Variants in PTPRO observed in about 807,000 individuals in gnomAD.
The protein encoded by PTPRO is protein tyrosine phosphatase receptor type O.
In PTPRO, 62 loss-of-function variants were observed where a neutral mutation model predicts 145.2. That is an observed-to-expected ratio of 0.43 (90% CI 0.35 to 0.53). PTPRO has a LOEUF of 0.53. PTPRO is among the 20% of genes least tolerant of loss of function. The pLI, the probability that PTPRO is intolerant of heterozygous loss-of-function variation, is 0.01. For missense variants in PTPRO, 1,345 were observed against 1,482.7 expected, an observed-to-expected ratio of 0.91 and a Z score of 1.53; for synonymous variants, 565 against 514.7, an observed-to-expected ratio of 1.10 and a Z score of -1.32.
rs138769688 is a variant in PTPRO at position 15,362,100 on chromosome 12, A to G, written c.75+39299A>G. The stretch of plus-strand genomic sequence containing the variant: ...TCATATCAAACTCCTCCGGTATTGC[A>G]TTGCTGGTTAGCACAAACTAACCCA... On this transcript the variant is annotated intron_variant, in intron 1 of 26. Transcript: ENST00000281171. Among the ~76,000 whole-genome samples, 1,147 of 152,290 alleles carry G rather than the reference A, an allele frequency of 7.5e-3. 11 individuals are homozygous for G. Among genetic ancestry groups the G allele is most frequent in the African/African-American group, 0.026 (1,079 of 41,558 alleles).
chr12:15,586,451 C>T (rs937419794), intron 23 of PTPRO, among the ~76,000 whole-genome samples: 1 of 152,152 alleles, frequency 6.6e-6, no homozygotes, highest in African/African-American at 2.4e-5. Flanking sequence ...CATTTTCTAT[C>T]GAGGCAGCTC....
At chr12:15,452,387 G>A (rs116114328) in intron 1 of PTPRO, among the ~76,000 whole-genome samples, 3,469 of 152,190 alleles carry the variant, frequency 0.023, 150 homozygotes, top group African/African-American at 0.078. Context: ...AGGACTAGAC[G>A]GATTCACAGG....
At chr12:15,551,362 T>G (rs1379130282) in intron 14 of PTPRO, among the ~76,000 whole-genome samples, 189 bp from the exon 15 acceptor site, 1 of 152,184 alleles carries the variant, frequency 6.6e-6, no homozygotes, top group Non-Finnish European at 1.5e-5. Context: ...CAATACCACT[T>G]ATCAGTCTAG....
intron 1 of PTPRO, among the ~76,000 whole-genome samples, chr12:15,399,882 C>G (rs940441078): frequency 6.6e-6 from 1 of 151,224 alleles, no homozygotes; most frequent in African/African-American, 2.4e-5. Context: ...GAAACCTCAT[C>G]TCTACTAAAA....
At position 15,322,527 on chromosome 12, in the gene PTPRO, C is replaced by T; in HGVS notation, c.-200C>T. 2 of 640,572 alleles carry T rather than the reference C, an allele frequency of 3.1e-6. No individual in the cohort carries two copies. Among genetic ancestry groups the T allele is most frequent in the Admixed American group, 2.3e-5 (1 of 42,636 alleles). The allele number at this position is 640,572 out of a possible 1,614,324, so 39.7% of individuals were successfully genotyped here. On this transcript the variant is annotated 5_prime_UTR_variant, in exon 1 of 27. Transcript: ENST00000281171. This position sits in a 1 kb window ranked among gnomAD's most constrained non-coding sequence, Gnocchi z 6.3. ...ATCCTTAGTCATTAAAGAACAGCAG[C>T]GCCTGGCACGTTCTTGGAGGACCCC... is the stretch of plus-strand genomic sequence containing the variant.
At chr12:15,440,031 G>T (rs1940716794) in intron 1 of PTPRO, 1 of 661,142 alleles carries the variant, frequency 1.5e-6, no homozygotes, top group Admixed American at 2.2e-5. Context: ...AGAGGCTACA[G>T]GGGTAACAAG....
Position 15,578,841 on chromosome 12 carries a change from T to C in PTPRO, c.2830-12T>C. 4 of 1,552,026 alleles carry C rather than the reference T, an allele frequency of 2.6e-6. No homozygotes were observed. The highest frequency in any genetic ancestry group is 3.6e-6 in the Non-Finnish European group (4 of 1,123,566). On this transcript the variant is annotated splice_polypyrimidine_tract_variant and intron_variant, in intron 19 of 26. Coordinates refer to ENST00000281171, the MANE Select transcript of PTPRO (RefSeq NM_030667.3). ...GTATGGAACTCTCAAATCCATTCTC[T>C]GTCCTTTACAGGAGTTGAAATTGAT...
chr12:15,528,937 G>A (rs781371241), intron 12 of PTPRO, among the ~76,000 whole-genome samples: 2 of 152,092 alleles, frequency 1.3e-5, no homozygotes, highest in Non-Finnish European at 2.9e-5. Flanking sequence ...ATGAAGGAAA[G>A]ATAAAGTATT....
intron 1 of PTPRO, among the ~76,000 whole-genome samples, chr12:15,473,800 G>A (rs1407099260): frequency 7.0e-6 from 1 of 142,662 alleles, no homozygotes; most frequent in East Asian, 2.1e-4. Flanking sequence ...AGCATCAAGT[G>A]ACTCAAAACT....
At chr12:15,373,652 T>G (rs114249491) in intron 1 of PTPRO, among the ~76,000 whole-genome samples, 3,305 of 152,278 alleles carry the variant, frequency 0.022, 126 homozygotes, top group African/African-American at 0.075. Context: ...ATTCAAAATA[T>G]AATTATTAAA....
At chr12:15,377,342 C>A (rs1938718605) in intron 1 of PTPRO, among the ~76,000 whole-genome samples, 1 of 151,886 alleles carries the variant, frequency 6.6e-6, no homozygotes, top group South Asian at 2.1e-4. Flanking sequence ...TAAATCCCAC[C>A]TTAAACTCTC....
intron 1 of PTPRO, among the ~76,000 whole-genome samples, chr12:15,367,715 C>T (rs1218026573): frequency 6.6e-6 from 1 of 152,180 alleles, no homozygotes; most frequent in Non-Finnish European, 1.5e-5. Context: ...CAACTCCACC[C>T]TCCCAGTTGA....
intron 1 of PTPRO, among the ~76,000 whole-genome samples, chr12:15,399,879 C>G (rs879405721): frequency 6.6e-6 from 1 of 151,094 alleles, no homozygotes; most frequent in Non-Finnish European, 1.5e-5. Flanking sequence ...GGTGAAACCT[C>G]ATCTCTACTA....
At chr12:15,440,400 C>G (rs1045025964) in intron 1 of PTPRO, 1 of 303,296 alleles carries the variant, frequency 3.3e-6, no homozygotes, top group African/African-American at 2.2e-5. Context: ...GTGGCTACAA[C>G]ATAGGATTTT....
chr12:15,568,502 A>G (rs1943960275), intron 18 of PTPRO, among the ~76,000 whole-genome samples: 1 of 152,112 alleles, frequency 6.6e-6, no homozygotes, highest in Admixed American at 6.6e-5. Context: ...GTAACACACC[A>G]CAAGACCAAG....
chr12:15,522,315 G>GGTAT (rs1942740555), intron 10 of PTPRO, among the ~76,000 whole-genome samples: 1 of 150,664 alleles, frequency 6.6e-6, no homozygotes, highest in Non-Finnish European at 1.5e-5. Flanking sequence ...TTGTTACATA[G>GGTAT]GTATACATGT....
At position 15,597,048 on chromosome 12, in the gene PTPRO, G is replaced by T. The variant is rs1944673366; in HGVS notation, c.*975G>T. The T allele has an allele frequency of 6.6e-6, 1 of 152,606 alleles. No individual in the cohort carries two copies. Among genetic ancestry groups the T allele is most frequent in the South Asian group, 2.1e-4 (1 of 4,828 alleles). 9.5% of individuals were successfully genotyped at this position (152,606 alleles called of 1,614,324 possible). A position where few individuals can be genotyped will look rare whatever the true frequency, so the allele number is the denominator to read the frequency against. On this transcript the variant is annotated 3_prime_UTR_variant, in exon 27 of 27. Coordinates refer to ENST00000281171, the MANE Select transcript of PTPRO (RefSeq NM_030667.3). ...AGAGCTGGGAATTTATGAAGTTATGGCAATGAACTGCAGCATGCTGGGACA... is the reference window on the plus strand; with the variant it reads ...AGAGCTGGGAATTTATGAAGTTATGTCAATGAACTGCAGCATGCTGGGACA...
intron 1 of PTPRO, among the ~76,000 whole-genome samples, chr12:15,436,602 G>C (rs548055714): frequency 6.6e-6 from 1 of 152,302 alleles, no homozygotes; most frequent in East Asian, 1.9e-4. Context: ...CTTAGGGAGA[G>C]TCTTGGAGAA....
chr12:15,497,530 A>C, intron 3 of PTPRO, 127 bp downstream of exon 3: 1 of 1,014,098 alleles, frequency 9.9e-7, no homozygotes, highest in Non-Finnish European at 1.5e-6. Flanking sequence ...ATGAGCCATT[A>C]AAAATAATTA....
Sources: gnomAD v4.1 joint callset for allele counts (sites outside exome capture counted in the v4.1 genomes callset) on GRCh38, gnomAD v4.1.1 for gene constraint, Gnocchi (gnomAD v3.1) non-coding constraint, MANE v1.5 for transcripts, NCBI Gene and HGNC (gene_info 2026-07-23, HGNC 2026-07-21) for gene names.